EFCAB8: variants seen among roughly 807,000 people sequenced by gnomAD.
EFCAB8 encodes the protein EF-hand calcium binding domain 8.
Under a neutral mutation model 116.3 loss-of-function variants are expected in EFCAB8, and 100 were observed. The ratio of observed to expected loss-of-function variants is 0.86; its 90% CI spans 0.73 to 1.02. EFCAB8 has a LOEUF of 1.02. Among genes scored for constraint, EFCAB8 ranks in the 50% least tolerant of loss-of-function variants. The pLI, the probability that EFCAB8 is intolerant of heterozygous loss-of-function variation, is 0.00. For missense variants in EFCAB8, 1,320 were observed against 1,416.9 expected (o/e 0.93, Z 1.10); for synonymous variants, 558 against 567.9 (o/e 0.98, Z 0.25).
At chr20:32,947,903 T>TAAAAAAAA (rs377234035) in intron 23 of EFCAB8, among the ~76,000 whole-genome samples, 1 of 100,834 alleles carries the variant, frequency 9.9e-6, no homozygotes, top group African/African-American at 3.5e-5. Flanking sequence ...CCATCTCAAT[T>TAAAAAAAA]AAAAAAAAAA....
intron 6 of EFCAB8, among the ~76,000 whole-genome samples, chr20:32,887,666 C>G (rs1220570629): frequency 6.6e-6 from 1 of 152,240 alleles, no homozygotes; most frequent in Non-Finnish European, 1.5e-5. Context: ...GGGCTGGCCT[C>G]CCTCTTCCCC....
At chr20:32,877,199 A>ATTTC (rs1568902980) in intron 4 of EFCAB8, among the ~76,000 whole-genome samples, 4 of 114,606 alleles carry the variant, frequency 3.5e-5, no homozygotes, top group Admixed American at 8.9e-5. Context: ...GTTTTTATTT[A>ATTTC]TTTCTTTCTT....
chr20:32,860,902 A>C (rs539087359), intron 1 of EFCAB8, among the ~76,000 whole-genome samples: 7 of 151,888 alleles, frequency 4.6e-5, no homozygotes, highest in African/African-American at 1.7e-4. Flanking sequence ...CCATACCCAG[A>C]TAATTTTTTG....
Position 32,893,165 on chromosome 20 carries a change from T to G in EFCAB8, c.759-9T>G. The stretch of plus-strand genomic sequence containing the variant: ...CCACACAACCTCTTCCGTCTCCATC[T>G]TTCTGCAGGTCTGACTATCACAGAG... On this transcript the variant is annotated splice_polypyrimidine_tract_variant and intron_variant, in intron 8 of 26. Coordinates refer to ENST00000400522, the MANE Select transcript of EFCAB8 (RefSeq NM_001143967.2). 1 of 1,551,786 alleles carries G rather than the reference T, an allele frequency of 6.4e-7. No individual in the cohort carries two copies. The highest frequency in any genetic ancestry group is 8.7e-7 in the Non-Finnish European group (1 of 1,146,940).
chr20:32,950,150 C>T (rs550162252), intron 23 of EFCAB8, among the ~76,000 whole-genome samples: 4 of 152,274 alleles, frequency 2.6e-5, no homozygotes, highest in African/African-American at 9.6e-5. Flanking sequence ...CATGCAACAC[C>T]GATAGAGCAT....
At chr20:32,938,509 C>G (rs1988209151) in intron 22 of EFCAB8, among the ~76,000 whole-genome samples, 1 of 149,456 alleles carries the variant, frequency 6.7e-6, no homozygotes, top group South Asian at 2.1e-4. Context: ...TTAACTATCT[C>G]TATCTGCAGA....
intron 18 of EFCAB8, 44 bp downstream of exon 18, chr20:32,917,549 T>G: frequency 1.4e-6 from 2 of 1,396,222 alleles, no homozygotes; most frequent in Non-Finnish European, 1.9e-6. Flanking sequence ...TTCTCTCAGC[T>G]GTGAACCAGA....
chr20:32,927,409 A>G (rs1452771798), intron 20 of EFCAB8, among the ~76,000 whole-genome samples: 1 of 151,998 alleles, frequency 6.6e-6, no homozygotes, highest in Non-Finnish European at 1.5e-5. Context: ...CAGTGACGTG[A>G]TCTTGGTTCA....
At position 32,906,593 on chromosome 20, in the gene EFCAB8, C is replaced by A. The variant is rs1366454541; in HGVS notation, c.1120C>A (p.Leu374Ile). ...LSVLRLRKGI[L>I]CFDYCPDRNF... The stretch of plus-strand genomic sequence containing the variant: ...AGTGCTGCGTTTAAGGAAAGGGATT[C>A]TTTGCTTTGATTACTGCCCAGACAG... The change falls in exon 12 of 27, where the codon CTT (leucine) becomes ATT (isoleucine). Residue 374 changes from leucine to isoleucine, a missense_variant. Coordinates refer to ENST00000400522, the MANE Select transcript of EFCAB8 (RefSeq NM_001143967.2). 2.8e-6 allele frequency: 2 copies of A among 718,386 alleles called. No homozygotes were observed. Among genetic ancestry groups the A allele is most frequent in the African/African-American group, 1.7e-5 (1 of 57,258 alleles). 44.5% of individuals were successfully genotyped at this position (718,386 alleles called of 1,614,324 possible). A position where few individuals can be genotyped will look rare whatever the true frequency, so the allele number is the denominator to read the frequency against.
At chr20:32,864,452 C>T (rs538956423) in intron 2 of EFCAB8, among the ~76,000 whole-genome samples, 45 of 152,240 alleles carry the variant, frequency 3.0e-4, no homozygotes, top group African/African-American at 1.0e-3. Context: ...CATGGTGGCA[C>T]ATGCCTGTGG....
At chr20:32,898,295 G>A in intron 10 of EFCAB8, 198 bp from the exon 11 acceptor site, 1 of 504,244 alleles carries the variant, frequency 2.0e-6, no homozygotes, top group Non-Finnish European at 3.6e-6. Context: ...AATTTTCAGT[G>A]ACGAGAGATG....
chr20:32,944,990 T>G (rs1245291919), intron 23 of EFCAB8, among the ~76,000 whole-genome samples: 2 of 151,894 alleles, frequency 1.3e-5, no homozygotes, highest in Non-Finnish European at 2.9e-5. Context: ...ATAAATCCCT[T>G]AAGTTTTCTT....
At chr20:32,898,199 C>T (rs535837028) in intron 10 of EFCAB8, among the ~76,000 whole-genome samples, 9 of 152,320 alleles carry the variant, frequency 5.9e-5, no homozygotes, top group Admixed American at 3.3e-4. Flanking sequence ...TTTCTCTCCT[C>T]GTGGGAGATG....
intron 22 of EFCAB8, among the ~76,000 whole-genome samples, chr20:32,932,412 G>A (rs983703996): frequency 2.6e-5 from 4 of 152,092 alleles, no homozygotes; most frequent in African/African-American, 9.6e-5. Flanking sequence ...ACTTATATAC[G>A]ATTTTCTATG....
chr20:32,908,406 C>A lies in EFCAB8; in HGVS notation c.1440C>A (p.Thr480=). The change falls in exon 14 of 27, where the codon ACC becomes ACA. Residue 480 remains threonine (T), a synonymous_variant. Coordinates refer to ENST00000400522, the MANE Select transcript of EFCAB8 (RefSeq NM_001143967.2). ...AGGACAATACCCTCATCTGCAGCAC[C>A]TACTCAGTGAGTGCTGTCCCAGGAG... The part of the protein sequence containing the change: ...FEKDNTLICS[T]YSIGILKGYL... The A allele has an allele frequency of 8.0e-7, 1 of 1,249,966 alleles. No individual in the cohort carries two copies. The highest frequency in any genetic ancestry group is 1.0e-6 in the Non-Finnish European group (1 of 988,264). The allele number at this position is 1,249,966 out of a possible 1,614,324, so 77.4% of individuals were successfully genotyped here. A position where few individuals can be genotyped will look rare whatever the true frequency, so the allele number is the denominator to read the frequency against.
chr20:32,875,502 G>GTTTTTTTTTTTTTTTTTTTTTT (rs57620114), intron 3 of EFCAB8, among the ~76,000 whole-genome samples: 995 of 89,698 alleles, frequency 0.011, 181 homozygotes, highest in Non-Finnish European at 0.017. Flanking sequence ...AAACATGGTG[G>GTTTTTTTTTTTTTTTTTTTTTT]TTTTTTTTTT....
At chr20:32,902,755 A>T (rs1213708716) in intron 11 of EFCAB8, among the ~76,000 whole-genome samples, 1 of 152,182 alleles carries the variant, frequency 6.6e-6, no homozygotes, top group African/African-American at 2.4e-5. Flanking sequence ...TTGGCACCCC[A>T]ACCTCTGCCT....
chr20:32,909,465 A>T (rs531971162), intron 14 of EFCAB8, among the ~76,000 whole-genome samples: 1 of 152,338 alleles, frequency 6.6e-6, no homozygotes, highest in Admixed American at 6.5e-5. Flanking sequence ...TGGAGCACAG[A>T]GGAATCCTTA....
At chr20:32,873,837 C>T (rs953421572) in intron 3 of EFCAB8, among the ~76,000 whole-genome samples, 13 of 150,732 alleles carry the variant, frequency 8.6e-5, no homozygotes, top group South Asian at 4.2e-4. Flanking sequence ...CAGTTCACCT[C>T]TCCTTCTAGA....
Sources: allele counts gnomAD v4.1 joint callset (sites outside exome capture counted in the v4.1 genomes callset), GRCh38; gene constraint gnomAD v4.1.1; transcripts MANE v1.5; gene names NCBI Gene and HGNC (gene_info 2026-07-23, HGNC 2026-07-21).